The following GCGR variants were observed in gnomAD, a reference collection of about 807,000 sequenced individuals.
GCGR encodes the protein glucagon receptor.
GCGR carries 41 observed loss-of-function variants against 56.1 expected under a neutral mutation model. The observed-to-expected ratio is 0.73, with a 90% confidence interval of 0.57 to 0.95. The LOEUF (loss-of-function observed/expected upper bound fraction) is 0.95, where lower values mean the gene tolerates loss of function less well. Ranked by LOEUF, GCGR falls within the 40% of genes least tolerant of loss-of-function variation. The pLI is 0.00. For missense variants in GCGR, 595 were observed against 638.2 expected, an observed-to-expected ratio of 0.93 and a Z score of 0.73; for synonymous variants, 278 against 271.1, an observed-to-expected ratio of 1.03 and a Z score of -0.25.
intron 1 of GCGR, 53 bp from the exon 2 acceptor site, chr17:81,808,789 G>A: frequency 1.4e-5 from 8 of 589,970 alleles, no homozygotes; most frequent in South Asian, 1.0e-4. Context: ...AAAGTTCTGG[G>A]ATTACAGGCG....
At position 81,811,637 on chromosome 17, in the gene GCGR, T is replaced by G. The variant is rs2038101871; in HGVS notation, c.658-14T>G. The G allele has an allele frequency of 6.5e-7, 1 of 1,536,120 alleles. No individual in the cohort carries two copies. Among genetic ancestry groups the G allele is most frequent in the Non-Finnish European group, 8.7e-7 (1 of 1,146,858 alleles). On this transcript the variant is annotated splice_polypyrimidine_tract_variant and intron_variant, in intron 7 of 13. Coordinates refer to ENST00000400723, the MANE Select transcript of GCGR (RefSeq NM_000160.5). The surrounding 1 kb of genome is among the most constrained non-coding windows in gnomAD (Gnocchi z 5.8). ...GGTGGCCACGTAGCCGCGCTCACACTGCACCTGTACCAGGCGGTGGCTGGC... is the reference window on the plus strand; with the variant it reads ...GGTGGCCACGTAGCCGCGCTCACACGGCACCTGTACCAGGCGGTGGCTGGC...
In GCGR at chr17:81,810,986, C is replaced by T; in HGVS notation, c.272-24C>T. The T allele has an allele frequency of 6.5e-7, 1 of 1,535,726 alleles. No individual in the cohort carries two copies. The highest frequency in any genetic ancestry group is 1.2e-5 in the South Asian group (1 of 84,048). On this transcript the variant is annotated intron_variant, in intron 4 of 13. Transcript: ENST00000400723. The surrounding 1 kb of genome is among the most constrained non-coding windows in gnomAD (Gnocchi z 4.6). ...GGGGCGGGCCCAGGGTGGGGCTGAC[C>T]CCAGCCTCCCCCCACACCCCCAGTG...
Position 81,812,929 on chromosome 17 carries a change from TC to T in GCGR, c.1162del (p.Leu388SerfsTer98). ...TCCGCCAAGCTCTTCTTCGACCTCT[TC>T]CTCAGCTCCTTCCAGGTGCCCGCCC... is the stretch of plus-strand genomic sequence containing the variant. ...LRSAKLFFDL[F>X]LSSFQGLLVA... On this transcript the variant is annotated frameshift_variant, in exon 12 of 14. Transcript: ENST00000400723. LOFTEE classifies it high-confidence loss of function. The surrounding 1 kb of genome is among the most constrained non-coding windows in gnomAD (Gnocchi z 8.5). 4 of 1,535,854 alleles carry T rather than the reference TC, an allele frequency of 2.6e-6. No individual in the cohort carries two copies. The highest frequency in any genetic ancestry group is 2.4e-5 in the South Asian group (2 of 84,042).
Position 81,808,918 on chromosome 17 carries a change from C to T in GCGR, c.-101C>T. ...GACGCCCCAGGCTCTGCTGCTCTGC[C>T]ACTCAGCTGCCCTCGGAGGAGCGTA... On this transcript the variant is annotated 5_prime_UTR_variant, in exon 2 of 14. Coordinates refer to ENST00000400723, the MANE Select transcript of GCGR (RefSeq NM_000160.5). 4 of 1,416,238 alleles carry T rather than the reference C, an allele frequency of 2.8e-6. No homozygotes were observed. Among genetic ancestry groups the T allele is most frequent in the Non-Finnish European group, 3.8e-6 (4 of 1,039,734 alleles). The allele number at this position is 1,416,238 out of a possible 1,614,324, so 87.7% of individuals were successfully genotyped here. A position where few individuals can be genotyped will look rare whatever the true frequency, so the allele number is the denominator to read the frequency against.
Position 81,811,915 on chromosome 17 carries a change from G to C in GCGR, c.847G>C (p.Ala283Pro). ...GAPMLFVVPW[A>P]VVKCLFENVQ... ...CCCCATGCTGTTCGTCGTCCCCTGGGCAGTGGTCAAGTGTCTGTTCGAGAA... is the reference window on the plus strand; with the variant it reads ...CCCCATGCTGTTCGTCGTCCCCTGGCCAGTGGTCAAGTGTCTGTTCGAGAA... The change falls in exon 9 of 14, where the codon GCA becomes CCA. Residue 283 changes from alanine (A) to proline (P), a missense_variant. Ala to Pro is a conservative substitution (Grantham distance 27). Coordinates refer to ENST00000400723, the MANE Select transcript of GCGR (RefSeq NM_000160.5). This position sits in a 1 kb window ranked among gnomAD's most constrained non-coding sequence, Gnocchi z 5.8. 6.5e-7 allele frequency: 1 copy of C among 1,537,124 alleles called. No homozygotes were observed. Among genetic ancestry groups the C allele is most frequent in the East Asian group, 2.4e-5 (1 of 40,918 alleles).
chr17:81,810,709 C>T lies in GCGR; in HGVS notation c.164-116C>T, dbSNP rs1490752220. The T allele has an allele frequency of 2.1e-6, 2 of 972,742 alleles. No individual in the cohort carries two copies. Among genetic ancestry groups the T allele is most frequent in the African/African-American group, 3.2e-5 (2 of 62,200 alleles). 60.3% of individuals were successfully genotyped at this position (972,742 alleles called of 1,614,324 possible). ...GGGAGGGAGCAGCCCAGGCCATGTC[C>T]TGGGCGAGGTGACGGCCGAGCTCAG... On this transcript the variant is annotated intron_variant, in intron 3 of 13. Transcript: ENST00000400723. This position sits in a 1 kb window ranked among gnomAD's most constrained non-coding sequence, Gnocchi z 4.6.
rs1568252969 is a variant in GCGR at position 81,811,580 on chromosome 17, CCCAGGCAGGTGGGTGGGTGGGCAG to C, written c.657+33_658-35del. On this transcript the variant is annotated intron_variant, in intron 7 of 13. Coordinates refer to ENST00000400723, the MANE Select transcript of GCGR (RefSeq NM_000160.5). This position sits in a 1 kb window ranked among gnomAD's most constrained non-coding sequence, Gnocchi z 5.8. The stretch of plus-strand genomic sequence containing the variant: ...GATGGAGTGAGCCCCCCTCGGCGGC[CCCAGGCAGGTGGGTGGGTGGGCAG>C]CCAGGCAGGTGGCCACGTAGCCGCG... 3 of 1,536,120 alleles carry C rather than the reference CCCAGGCAGGTGGGTGGGTGGGCAG, an allele frequency of 2.0e-6. No individual in the cohort carries two copies. In the South Asian group the frequency reaches 3.6e-5, roughly 18 times the overall value.
chr17:81,808,051 G>GCTT (rs375499840), intron 1 of GCGR, among the ~76,000 whole-genome samples: 22 of 152,212 alleles, frequency 1.4e-4, no homozygotes, highest in African/African-American at 5.3e-4. Flanking sequence ...GCCCAACCGA[G>GCTT]CCTTGCACGG....
rs1343711243 is a variant in GCGR at position 81,811,982 on chromosome 17, C to A, written c.878+36C>A. ...GCGGCTGGACAGCCTGGGGAGGGAC[C>A]GGGGGGCTGGGGTGCGGCGCTCTGG... On this transcript the variant is annotated intron_variant, in intron 9 of 13. Coordinates refer to ENST00000400723, the MANE Select transcript of GCGR (RefSeq NM_000160.5). This position sits in a 1 kb window ranked among gnomAD's most constrained non-coding sequence, Gnocchi z 5.8. 5.5e-6 allele frequency: 8 copies of A among 1,454,222 alleles called. No individual in the cohort carries two copies. Among genetic ancestry groups the A allele is most frequent in the Non-Finnish European group, 6.4e-6 (7 of 1,098,270 alleles). 90.1% of individuals were successfully genotyped at this position (1,454,222 alleles called of 1,614,324 possible).
In GCGR at chr17:81,812,638, A is replaced by G; in HGVS notation, c.1010A>G (p.Gln337Arg). 5 of 1,536,374 alleles carry G rather than the reference A, an allele frequency of 3.3e-6. No individual in the cohort carries two copies. Among genetic ancestry groups the G allele is most frequent in the African/African-American group, 1.4e-5 (1 of 73,154 alleles). Residue 337 changes from glutamine (Q) to arginine (R), a missense_variant, in exon 11 of 14, where the codon CAG becomes CGG. By Grantham distance (43) the Gln-to-Arg change is conservative. Coordinates refer to ENST00000400723, the MANE Select transcript of GCGR (RefSeq NM_000160.5). This position sits in a 1 kb window ranked among gnomAD's most constrained non-coding sequence, Gnocchi z 8.5. The stretch of plus-strand genomic sequence containing the variant: ...CTCGTGGCCAAGCTGCGGGCACGGC[A>G]GATGCACCACACAGACTACAAGTTC... ...QLLVAKLRAR[Q>R]MHHTDYKFRL... is the part of the protein sequence containing the mutation.
rs1405693995 is a variant in GCGR, at chr17:81,813,350, C to T, written c.1219-124C>T. ...TGGCATAGCTGTGCCCAGCAGGGAGCTTGTGTCGCTCTGCACCCCTCAGAG... is the reference window on the plus strand; with the variant it reads ...TGGCATAGCTGTGCCCAGCAGGGAGTTTGTGTCGCTCTGCACCCCTCAGAG... On this transcript the variant is annotated intron_variant, in intron 13 of 13. Coordinates refer to ENST00000400723, the MANE Select transcript of GCGR (RefSeq NM_000160.5). The surrounding 1 kb of genome is among the most constrained non-coding windows in gnomAD (Gnocchi z 5.3). The T allele has an allele frequency of 1.0e-6, 1 of 982,800 alleles. No individual in the cohort carries two copies. 60.9% of individuals were successfully genotyped at this position (982,800 alleles called of 1,614,324 possible). A position where few individuals can be genotyped will look rare whatever the true frequency, so the allele number is the denominator to read the frequency against.
chr17:81,812,436 C>A lies in GCGR; in HGVS notation c.949-141C>A. 9.7e-7 allele frequency: 1 copy of A among 1,034,454 alleles called. No individual in the cohort carries two copies. The highest frequency in any genetic ancestry group is 1.4e-6 in the Non-Finnish European group (1 of 714,968). 64.1% of individuals were successfully genotyped at this position (1,034,454 alleles called of 1,614,324 possible). The stretch of plus-strand genomic sequence containing the variant: ...CAGGCTGTTCCTCCCTGGCTGTGTG[C>A]CCACCAGCCCCAGGGCTATGTGGCC... On this transcript the variant is annotated intron_variant, in intron 10 of 13. Transcript: ENST00000400723. This position sits in a 1 kb window ranked among gnomAD's most constrained non-coding sequence, Gnocchi z 8.5.
Position 81,811,698 on chromosome 17 carries a change from C to G in GCGR, c.705C>G (p.Ile235Met). ...RVAAVFMQYG[I>M]VANYCWLLVE... ...CCGCGGTGTTCATGCAATATGGCAT[C>G]GTGGCCAACTACTGCTGGCTGCTGG... Residue 235 changes from isoleucine to methionine, a missense_variant, in exon 8 of 14, where the codon ATC becomes ATG. Physicochemically the swap from Ile to Met is conservative, Grantham distance 10. Transcript: ENST00000400723. The surrounding 1 kb of genome is among the most constrained non-coding windows in gnomAD (Gnocchi z 5.8). 4 of 1,542,720 alleles carry G rather than the reference C, an allele frequency of 2.6e-6. No homozygotes were observed. Among genetic ancestry groups the G allele is most frequent in the African/African-American group, 1.4e-5 (1 of 73,352 alleles).
Position 81,811,899 on chromosome 17 carries a change from G to C in GCGR, c.831G>C (p.Leu277=), listed in dbSNP as rs980487146. ...TGCCCCCCACAGGTGCCCCCATGCT[G>C]TTCGTCGTCCCCTGGGCAGTGGTCA... ...YLGIGWGAPM[L]FVVPWAVVKC... The change falls in exon 9 of 14, where the codon CTG becomes CTC. Residue 277 remains leucine, a synonymous_variant. Coordinates refer to ENST00000400723, the MANE Select transcript of GCGR (RefSeq NM_000160.5). This position sits in a 1 kb window ranked among gnomAD's most constrained non-coding sequence, Gnocchi z 5.8. 2.0e-6 allele frequency: 3 copies of C among 1,537,156 alleles called. No homozygotes were observed. The highest frequency in any genetic ancestry group is 1.7e-4 in the Middle Eastern group (1 of 5,986).
chr17:81,810,784 C>T lies in GCGR; in HGVS notation c.164-41C>T, dbSNP rs1315145721. On this transcript the variant is annotated intron_variant, in intron 3 of 13. Transcript: ENST00000400723. This position sits in a 1 kb window ranked among gnomAD's most constrained non-coding sequence, Gnocchi z 4.6. ...TGCTGAGGGAGCCCCTTCTCCCACC[C>T]TGCCCTGCCCTGCTCTGCCCTGCCC... is the stretch of plus-strand genomic sequence containing the variant. 2.0e-6 allele frequency: 3 copies of T among 1,515,132 alleles called. No homozygotes were observed. Among genetic ancestry groups the T allele is most frequent in the Non-Finnish European group, 2.7e-6 (3 of 1,127,428 alleles). 93.9% of individuals were successfully genotyped at this position (1,515,132 alleles called of 1,614,324 possible).
intron 1 of GCGR, among the ~76,000 whole-genome samples, chr17:81,808,127 G>T (rs936241616): frequency 6.6e-6 from 1 of 152,266 alleles, no homozygotes; most frequent in African/African-American, 2.4e-5. Context: ...AGACCCCTGA[G>T]TGTGGGCCCC....
At chr17:81,809,151 C>A (rs1045917870) in intron 2 of GCGR, 73 bp downstream of exon 2, 2 of 972,678 alleles carry the variant, frequency 2.1e-6, no homozygotes, top group African/African-American at 4.7e-5. Flanking sequence ...TCTCTGTCTG[C>A]CTGCCTGCCT....
intron 2 of GCGR, among the ~76,000 whole-genome samples, chr17:81,809,460 T>C (rs948696910): frequency 4.8e-5 from 7 of 145,874 alleles, no homozygotes; most frequent in Non-Finnish European, 9.0e-5. Context: ...CCTGCCTGTC[T>C]GTCTGCCTGC....
rs1287375917 is a variant in GCGR at position 81,804,683 on chromosome 17, C to T, written c.-178+434C>T. Among the ~76,000 whole-genome samples the T allele has an allele frequency of 1.3e-5, 2 of 152,086 alleles. No individual in the cohort carries two copies. Among genetic ancestry groups the T allele is most frequent in the Admixed American group, 6.5e-5 (1 of 15,284 alleles). On this transcript the variant is annotated intron_variant, in intron 1 of 13. Coordinates refer to ENST00000400723, the MANE Select transcript of GCGR (RefSeq NM_000160.5). The surrounding 1 kb of genome is among the most constrained non-coding windows in gnomAD (Gnocchi z 8.2). Reference sequence around the variant, plus strand: ...CAGCGCTGTCTCCCCTCGGTGGGCTCCTGCCCCGAGGACTGCCCGGTGGCA... The same window carrying T: ...CAGCGCTGTCTCCCCTCGGTGGGCTTCTGCCCCGAGGACTGCCCGGTGGCA...
Sources: gnomAD v4.1 joint callset for allele counts (sites outside exome capture counted in the v4.1 genomes callset) on GRCh38, gnomAD v4.1.1 for gene constraint, Gnocchi (gnomAD v3.1) non-coding constraint, MANE v1.5 for transcripts, NCBI Gene and HGNC (gene_info 2026-07-23, HGNC 2026-07-21) for gene names.